C12orf50: variants seen among roughly 807,000 people sequenced by gnomAD.
The protein encoded by C12orf50 is zinc finger CCCH-type containing 11D, also known as uncharacterized protein C12orf50.
In C12orf50, 35 loss-of-function variants were observed where a neutral mutation model predicts 61.6. The ratio of observed to expected loss-of-function variants is 0.57; its 90% CI spans 0.43 to 0.75. C12orf50 has a LOEUF of 0.75. Ranked by LOEUF, C12orf50 falls within the 30% of genes least tolerant of loss-of-function variation. The probability of loss-of-function intolerance (pLI) is 0.00; values close to 1 mark genes in which losing one functional copy is unlikely to be tolerated. For synonymous variants in C12orf50, 178 were observed against 161.5 expected, an observed-to-expected ratio of 1.10 and a Z score of -0.77; for missense variants, 475 against 488.5, an observed-to-expected ratio of 0.97 and a Z score of 0.26.
intron 7 of C12orf50, 47 bp from the exon 8 acceptor site, chr12:87,989,418 A>T (rs1414101960): frequency 6.6e-6 from 9 of 1,363,650 alleles, no homozygotes; most frequent in Non-Finnish European, 9.4e-6. Flanking sequence ...AGAAAGTGAT[A>T]CAAACTAGCT....
chr12:88,013,104 C>A (rs1169233812), intron 3 of C12orf50, among the ~76,000 whole-genome samples: 1 of 151,692 alleles, frequency 6.6e-6, no homozygotes, highest in Non-Finnish European at 1.5e-5. Context: ...AAAAAAAAAT[C>A]CTGGGATTTT....
At chr12:87,980,406 C>T in intron 12 of C12orf50, 50 bp from the exon 13 acceptor site, 1 of 1,470,942 alleles carries the variant, frequency 6.8e-7, no homozygotes, top group Non-Finnish European at 9.4e-7. Context: ...GTTTAGCGCA[C>T]TGATATTTTG....
In C12orf50 at chr12:87,989,049, A is replaced by C. The variant is rs373722471; in HGVS notation, c.700+215T>G. ...TTTAGAACTAGCAATACTAGAAATTATACAGTCCAACAGGCTATTTTTCAG... is the reference window on the plus strand; with the variant it reads ...TTTAGAACTAGCAATACTAGAAATTCTACAGTCCAACAGGCTATTTTTCAG... On this transcript the variant is annotated intron_variant, in intron 8 of 12. Coordinates refer to ENST00000298699, the MANE Select transcript of C12orf50 (RefSeq NM_152589.3). 2.0e-5 allele frequency among the ~76,000 whole-genome samples: 3 copies of C among 152,234 alleles called. No homozygotes were observed. In the East Asian group the frequency reaches 5.8e-4, roughly 29 times the overall value.
chr12:87,983,460 T>C (rs982436783), intron 11 of C12orf50: 1 of 199,040 alleles, frequency 5.0e-6, no homozygotes, highest in African/African-American at 2.4e-5. Context: ...GTTACATATG[T>C]ATACATGTGC....
intron 3 of C12orf50, among the ~76,000 whole-genome samples, chr12:88,014,039 G>A (rs755440105): frequency 4.6e-5 from 7 of 152,134 alleles, no homozygotes; most frequent in Non-Finnish European, 8.8e-5. Context: ...TTCAATGGAA[G>A]TACACATAAC....
intron 3 of C12orf50, among the ~76,000 whole-genome samples, chr12:88,018,133 C>T (rs1038054272): frequency 1.3e-5 from 2 of 152,212 alleles, no homozygotes; most frequent in African/African-American, 4.8e-5. Flanking sequence ...GCAGCCCCTC[C>T]TATCACAGGC....
Position 87,986,360 on chromosome 12 carries a change from A to G in C12orf50, c.874T>C (p.Trp292Arg), listed in dbSNP as rs150597748. ...PHFKGVKKRK[W>R]IYDEPQNFPN... ...AAGTTCTGTGGTTCATCATAAATCC[A>G]TTTTCTTTTCTTCACACCTTTAAAA... Residue 292 changes from tryptophan (W) to arginine (R), a missense_variant, in exon 10 of 13, where the codon TGG becomes CGG. Trp to Arg is a moderately radical substitution (Grantham distance 101). Coordinates refer to ENST00000298699, the MANE Select transcript of C12orf50 (RefSeq NM_152589.3). 1.1e-4 allele frequency: 173 copies of G among 1,611,588 alleles called. No individual in the cohort carries two copies. Among genetic ancestry groups the G allele is most frequent in the Admixed American group, 3.0e-4 (18 of 59,752 alleles).
intron 3 of C12orf50, among the ~76,000 whole-genome samples, chr12:88,007,780 T>G (rs1276108239): frequency 6.6e-6 from 1 of 152,220 alleles, no homozygotes; most frequent in South Asian, 2.1e-4. Flanking sequence ...AATTTTCTTA[T>G]ATAATTGTAC....
chr12:88,001,064 C>T (rs1008015126), intron 3 of C12orf50, among the ~76,000 whole-genome samples: 1 of 151,714 alleles, frequency 6.6e-6, no homozygotes, highest in East Asian at 1.9e-4. Flanking sequence ...AATGAACAAC[C>T]TTGTCTTCTT....
chr12:87,986,414 T>C lies in C12orf50; in HGVS notation c.820A>G (p.Asn274Asp), dbSNP rs1308937120. 6.3e-7 allele frequency: 1 copy of C among 1,597,130 alleles called. No individual in the cohort carries two copies. The highest frequency in any genetic ancestry group is 8.5e-7 in the Non-Finnish European group (1 of 1,174,070). ...GGCTTCTTCACTGGCTGGACATCAT[T>C]CACTTAGAAAAGATACAAATTTTAC... ...MKCREDPSSM[N>D]DVQPVKKPHF... is the part of the protein sequence containing the mutation. Residue 274 changes from asparagine (N) to aspartate (D), a missense_variant and splice_region_variant, in exon 10 of 13, where the codon AAT (asparagine) becomes GAT (aspartate). Coordinates refer to ENST00000298699, the MANE Select transcript of C12orf50 (RefSeq NM_152589.3).
chr12:88,013,888 A>G (rs2032206779), intron 3 of C12orf50, among the ~76,000 whole-genome samples: 1 of 152,174 alleles, frequency 6.6e-6, no homozygotes, highest in Non-Finnish European at 1.5e-5. Context: ...AGGTAATTCT[A>G]ACGTGGAGCC....
intron 12 of C12orf50, among the ~76,000 whole-genome samples, chr12:87,981,761 A>T (rs982064500): frequency 6.6e-6 from 1 of 152,062 alleles, no homozygotes; most frequent in African/African-American, 2.4e-5. Context: ...GGAATGTGAG[A>T]TGCCCTCCCA....
rs1280363591 is a variant in C12orf50 at position 87,983,145 on chromosome 12, G to A, written c.1177C>T (p.Pro393Ser). The stretch of plus-strand genomic sequence containing the variant: ...CTTTTTGAATATGTTTTTGAAAAAG[G>A]AATTCGTTTTCGCCAGGCTGAATCA... ...YNDSAWRKRIPFSKTYSKSEK... is the reference protein window; with the variant it reads ...YNDSAWRKRISFSKTYSKSEK... Residue 393 changes from proline to serine, a missense_variant, in exon 12 of 13, where the codon CCT (proline) becomes TCT (serine). By Grantham distance (74) the Pro-to-Ser change is moderately conservative. Transcript: ENST00000298699. 6.2e-7 allele frequency: 1 copy of A among 1,604,746 alleles called. No individual in the cohort carries two copies. The highest frequency in any genetic ancestry group is 2.2e-5 in the East Asian group (1 of 44,598).
chr12:88,011,947 T>C (rs561691921), intron 3 of C12orf50, among the ~76,000 whole-genome samples: 1 of 152,254 alleles, frequency 6.6e-6, no homozygotes, highest in Non-Finnish European at 1.5e-5. Flanking sequence ...AATTGGCAAA[T>C]TTTCAGGAAT....
chr12:87,997,177 A>G (rs2031434099), intron 4 of C12orf50, among the ~76,000 whole-genome samples: 1 of 152,140 alleles, frequency 6.6e-6, no homozygotes, highest in Non-Finnish European at 1.5e-5. Context: ...AAGCCTGTTC[A>G]TACTCTTGTG....
rs1477053854 is a variant in C12orf50 at position 87,985,995 on chromosome 12, T to C, written c.981A>G (p.Arg327=). 1 of 1,613,768 alleles carries C rather than the reference T, an allele frequency of 6.2e-7. No homozygotes were observed. Among genetic ancestry groups the C allele is most frequent in the African/African-American group, 1.3e-5 (1 of 74,888 alleles). ...KMSYHRNNKN[R]NAENASYIHV... is the part of the protein sequence containing the mutation. The stretch of plus-strand genomic sequence containing the variant: ...GGATATAGGATGCATTCTCCGCATT[T>C]CGATTTTTATTATTGCGGTGATAAC... Residue 327 remains arginine (R), a synonymous_variant, in exon 11 of 13, where the codon CGA becomes CGG. Coordinates refer to ENST00000298699, the MANE Select transcript of C12orf50 (RefSeq NM_152589.3).
intron 1 of C12orf50, chr12:88,029,071 A>G: frequency 7.8e-7 from 1 of 1,284,910 alleles, no homozygotes; most frequent in Non-Finnish European, 1.0e-6. Flanking sequence ...ATTTACCTTT[A>G]TGCATGTGGA....
At chr12:87,989,486 C>T (rs2031017951) in intron 7 of C12orf50, 115 bp from the exon 8 acceptor site, 4 of 645,822 alleles carry the variant, frequency 6.2e-6, no homozygotes, top group South Asian at 5.7e-5. Flanking sequence ...TTGGACACTT[C>T]TCAGTGATAC....
At chr12:88,000,934 T>A (rs2031629349) in intron 3 of C12orf50, among the ~76,000 whole-genome samples, 2 of 151,834 alleles carry the variant, frequency 1.3e-5, no homozygotes. Context: ...TTCTAGAATT[T>A]TCTAAATAAA....
Sources: gnomAD v4.1 joint callset for allele counts (sites outside exome capture counted in the v4.1 genomes callset) on GRCh38, gnomAD v4.1.1 for gene constraint, MANE v1.5 for transcripts, NCBI Gene and HGNC (gene_info 2026-07-23, HGNC 2026-07-21) for gene names.